Variants in HIRA observed in about 807,000 individuals in gnomAD.
The protein encoded by HIRA is histone cell cycle regulator, also known as protein HIRA.
A neutral mutation model predicts 126.6 loss-of-function variants in HIRA; 13 were observed. The observed-to-expected ratio is 0.10, with a 90% confidence interval of 0.07 to 0.16. The LOEUF is 0.16. Among genes scored for constraint, HIRA ranks in the 10% least tolerant of loss-of-function variants. The pLI is 1.00. For missense variants in HIRA, 834 were observed against 1,314.4 expected, an observed-to-expected ratio of 0.63 and a Z score of 5.65; for synonymous variants, 511 against 520.0, an observed-to-expected ratio of 0.98 and a Z score of 0.24.
intron 24 of HIRA, among the ~76,000 whole-genome samples, chr22:19,348,430 T>C (rs1041527974): frequency 6.6e-6 from 1 of 152,052 alleles, no homozygotes; most frequent in Non-Finnish European, 1.5e-5. Flanking sequence ...AAGATTATTA[T>C]GCTAAAGTAG....
At chr22:19,398,461 C>T (rs1210995045) in intron 5 of HIRA, among the ~76,000 whole-genome samples, 3 of 152,170 alleles carry the variant, frequency 2.0e-5, no homozygotes, top group Non-Finnish European at 4.4e-5. Context: ...GAGCATGAGA[C>T]ACAGTGGGTA....
chr22:19,403,677 G>A (rs987685836), intron 5 of HIRA, among the ~76,000 whole-genome samples: 3 of 152,080 alleles, frequency 2.0e-5, no homozygotes, highest in Admixed American at 2.0e-4. Flanking sequence ...TATTGTTTCT[G>A]ATTTTTCTAT....
Position 19,351,584 on chromosome 22 carries a change from A to T in HIRA, c.2849-138T>A. On this transcript the variant is annotated intron_variant, in intron 23 of 24. Coordinates refer to ENST00000263208, the MANE Select transcript of HIRA (RefSeq NM_003325.4). The surrounding 1 kb of genome is among the most constrained non-coding windows in gnomAD (Gnocchi z 4.8). ...TAAACACATGCGTATTTTATTGCCT[A>T]CTATGGGCAAGACGCCCCTGCATGT... 2.9e-6 allele frequency: 2 copies of T among 687,526 alleles called. No homozygotes were observed. Among genetic ancestry groups the T allele is most frequent in the Non-Finnish European group, 4.8e-6 (2 of 413,806 alleles). The allele number at this position is 687,526 out of a possible 1,614,324, so 42.6% of individuals were successfully genotyped here. A position where few individuals can be genotyped will look rare whatever the true frequency, so the allele number is the denominator to read the frequency against.
At chr22:19,422,191 CACATACACATATAT>C (rs762098411) in intron 1 of HIRA, among the ~76,000 whole-genome samples, 20 of 122,736 alleles carry the variant, frequency 1.6e-4, no homozygotes, top group African/African-American at 6.0e-4. Context: ...CACACACACA[CACATACACATATAT>C]ATATATACAT....
rs983308269 is a variant in HIRA, at chr22:19,357,024, T to C, written c.2262A>G (p.Lys754=). ...AGGTGGAGAACACTGACAGCATCCTTTTTTCACAGGCGACACACACCACGT... is the reference window on the plus strand; with the variant it reads ...AGGTGGAGAACACTGACAGCATCCTCTTTTCACAGGCGACACACACCACGT... The part of the protein sequence containing the change: ...SCDVVCVACE[K]RMLSVFSTCG... The change falls in exon 19 of 25, where the codon AAA becomes AAG. Residue 754 remains lysine (K), a synonymous_variant. Transcript: ENST00000263208. The C allele has an allele frequency of 1.2e-6, 2 of 1,613,888 alleles. No individual in the cohort carries two copies. The highest frequency in any genetic ancestry group is 3.3e-5 in the Admixed American group (2 of 60,008).
chr22:19,369,307 G>A (rs1405868924), intron 15 of HIRA, among the ~76,000 whole-genome samples: 2 of 152,162 alleles, frequency 1.3e-5, no homozygotes, highest in African/African-American at 4.8e-5. Flanking sequence ...GAGGCTCTTG[G>A]CTAGGAAGTG....
intron 13 of HIRA, among the ~76,000 whole-genome samples, chr22:19,380,475 T>A (rs2089062496): frequency 6.6e-6 from 1 of 152,218 alleles, no homozygotes; most frequent in Admixed American, 6.5e-5. Flanking sequence ...CACTATCTAC[T>A]CATGTGTCAG....
intron 1 of HIRA, among the ~76,000 whole-genome samples, chr22:19,430,672 C>T (rs1487675728): frequency 6.6e-6 from 1 of 151,970 alleles, no homozygotes; most frequent in African/African-American, 2.4e-5. Context: ...TTCATCTACC[C>T]GGGGAGCAAA....
chr22:19,422,058 C>T (rs983179904), intron 1 of HIRA, among the ~76,000 whole-genome samples: 2 of 151,846 alleles, frequency 1.3e-5, no homozygotes, highest in Non-Finnish European at 2.9e-5. Context: ...GCAAATGTTC[C>T]TTAACTTTAT....
chr22:19,406,716 T>C (rs2089310766), intron 4 of HIRA, among the ~76,000 whole-genome samples: 1 of 152,086 alleles, frequency 6.6e-6, no homozygotes, highest in Non-Finnish European at 1.5e-5. Flanking sequence ...CTGGGAGCAA[T>C]AGTTTTCCAG....
intron 16 of HIRA, 125 bp from the exon 17 acceptor site, chr22:19,361,466 A>G (rs1464785814): frequency 4.1e-5 from 34 of 825,654 alleles, no homozygotes; most frequent in Non-Finnish European, 6.2e-5. Context: ...GGAGGGAGGA[A>G]GCAGAGGGGA....
chr22:19,350,010 C>T (rs1339961694), intron 24 of HIRA, among the ~76,000 whole-genome samples: 5 of 149,916 alleles, frequency 3.3e-5, no homozygotes, highest in East Asian at 2.0e-4. Context: ...TTTTTTGAGA[C>T]GGAGTCTCGC....
chr22:19,382,767 C>CTTTTT (rs1228408103), intron 13 of HIRA, among the ~76,000 whole-genome samples: 2 of 134,266 alleles, frequency 1.5e-5, no homozygotes, highest in African/African-American at 3.3e-5. Context: ...TATCATTTTT[C>CTTTTT]TTTCTTTTTT....
intron 1 of HIRA, among the ~76,000 whole-genome samples, chr22:19,419,884 C>A (rs917098906): frequency 1.3e-5 from 2 of 152,218 alleles, no homozygotes; most frequent in Non-Finnish European, 2.9e-5. Context: ...TTGGCTGGTT[C>A]ACAGCCATCT....
At chr22:19,369,846 T>C (rs900698611) in intron 15 of HIRA, among the ~76,000 whole-genome samples, 1 of 152,154 alleles carries the variant, frequency 6.6e-6, no homozygotes, top group Non-Finnish European at 1.5e-5. Context: ...GCAGAATTGC[T>C]TGAGCCTGGG....
At chr22:19,338,883 TA>T (rs1283552468) in intron 24 of HIRA, among the ~76,000 whole-genome samples, 2 of 152,132 alleles carry the variant, frequency 1.3e-5, no homozygotes, top group African/African-American at 4.8e-5. Flanking sequence ...ACTTCAACAC[TA>T]GACAGGTCAT....
rs147195466 is a variant in HIRA, at chr22:19,357,001, G to A, written c.2285C>T (p.Thr762Ile). Residue 762 changes from threonine to isoleucine, a missense_variant, in exon 19 of 25, where the codon ACC becomes ATC. By Grantham distance (89) the Thr-to-Ile change is moderately conservative (BLOSUM62 -1). This residue lies in a region of HIRA where 468 missense variants were observed against 574.2 expected (regional missense o/e 0.82). Transcript: ENST00000263208. ...CEKRMLSVFS[T>I]CGRRLLSPIL... ...GGGAGAGAGGAGACGGCGACCACAG[G>A]TGGAGAACACTGACAGCATCCTTTT... is the stretch of plus-strand genomic sequence containing the variant. 5.6e-6 allele frequency: 9 copies of A among 1,614,078 alleles called. No homozygotes were observed. Among genetic ancestry groups the A allele is most frequent in the East Asian group, 2.2e-5 (1 of 44,882 alleles).
At position 19,363,232 on chromosome 22, in the gene HIRA, C is replaced by CA. The variant is rs869045261; in HGVS notation, c.1776-1302dup. Among the ~76,000 whole-genome samples the CA allele has an allele frequency of 5.3e-3, 558 of 105,986 alleles. 3 individuals carry two copies. The highest frequency in any genetic ancestry group is 0.017 in the East Asian group (62 of 3,710). 69.5% of individuals were successfully genotyped at this position (105,986 alleles called of 152,430 possible). On this transcript the variant is annotated intron_variant, in intron 15 of 24. Transcript: ENST00000263208. ...CTGGTGACAAAGTGAGATTCCGTCTCAAAAAAAAAAACAAAAAAAACAAAA... is the reference window on the plus strand; with the variant it reads ...CTGGTGACAAAGTGAGATTCCGTCTCAAAAAAAAAAAACAAAAAAAACAAAA...
intron 18 of HIRA, among the ~76,000 whole-genome samples, chr22:19,357,528 G>GAT (rs1391981681): frequency 6.6e-6 from 1 of 152,226 alleles, no homozygotes; most frequent in Non-Finnish European, 1.5e-5. Context: ...TGGCGTGGGA[G>GAT]ATGTGTGTCG....
Sources: gnomAD v4.1 joint callset for allele counts (sites outside exome capture counted in the v4.1 genomes callset) on GRCh38, gnomAD v4.1.1 for gene constraint, gnomAD v4.1.1 regional missense constraint, Gnocchi (gnomAD v3.1) non-coding constraint, MANE v1.5 for transcripts, NCBI Gene and HGNC (gene_info 2026-07-23, HGNC 2026-07-21) for gene names.